KCNIP4: variants seen among roughly 807,000 people sequenced by gnomAD.
KCNIP4 encodes Kv channel-interacting protein 4.
In KCNIP4, 12 loss-of-function variants were observed where a neutral mutation model predicts 34.0. The ratio of observed to expected loss-of-function variants is 0.35; its 90% confidence interval spans 0.23 to 0.57. The LOEUF is 0.57. Ranked by LOEUF, KCNIP4 falls within the 20% of genes least tolerant of loss-of-function variation. The probability of loss-of-function intolerance (pLI) is 0.83; values close to 1 mark genes in which losing one functional copy is unlikely to be tolerated. For synonymous variants in KCNIP4, 124 were observed against 102.2 expected, an observed-to-expected ratio of 1.21 and a Z score of -1.29; for missense variants, 238 against 311.7, an observed-to-expected ratio of 0.76 and a Z score of 1.78.
At chr4:20,900,712 T>C (rs1420604927) in intron 1 of KCNIP4, among the ~76,000 whole-genome samples, 1 of 152,074 alleles carries the variant, frequency 6.6e-6, no homozygotes, top group Non-Finnish European at 1.5e-5. Context: ...TACTAGTTAC[T>C]GAGAGTTGGG....
intron 1 of KCNIP4, among the ~76,000 whole-genome samples, chr4:20,969,283 A>G (rs1192399693): frequency 6.6e-6 from 1 of 152,196 alleles, no homozygotes; most frequent in Non-Finnish European, 1.5e-5. Flanking sequence ...TTCAAGCTCC[A>G]GTGAGAATTT....
intron 1 of KCNIP4, among the ~76,000 whole-genome samples, chr4:20,976,937 G>C (rs1369393497): frequency 2.0e-5 from 3 of 151,958 alleles, no homozygotes. Flanking sequence ...GGGTTCAAGC[G>C]ATTCTCCCAC....
intron 1 of KCNIP4, among the ~76,000 whole-genome samples, chr4:21,138,128 T>C (rs1751655696): frequency 6.6e-6 from 1 of 152,172 alleles, no homozygotes; most frequent in South Asian, 2.1e-4. Context: ...CGACTCGGCC[T>C]CCCAAAGTGC....
At chr4:20,734,082 T>C (rs1277241359) in intron 6 of KCNIP4, among the ~76,000 whole-genome samples, 1 of 152,208 alleles carries the variant, frequency 6.6e-6, no homozygotes, top group African/African-American at 2.4e-5. Context: ...CTGTCCTGCG[T>C]GGTTAACTTA....
At chr4:21,352,293 C>G (rs571583351) in intron 1 of KCNIP4, among the ~76,000 whole-genome samples, 1 of 152,140 alleles carries the variant, frequency 6.6e-6, no homozygotes, top group African/African-American at 2.4e-5. Flanking sequence ...GGGTGTAGCC[C>G]ACGGAGGGCA....
intron 1 of KCNIP4, among the ~76,000 whole-genome samples, chr4:21,328,196 A>C (rs569951415): frequency 1.3e-5 from 2 of 152,234 alleles, no homozygotes; most frequent in South Asian, 2.1e-4. Context: ...CCTGTCCTTC[A>C]GGGAAAGGAT....
intron 1 of KCNIP4, among the ~76,000 whole-genome samples, chr4:21,868,115 A>C (rs1725541421): frequency 6.6e-6 from 1 of 152,232 alleles, no homozygotes. Flanking sequence ...TCAGTCTCTG[A>C]AATCCTATGG....
At chr4:20,811,512 T>TGC (rs1560483128) in intron 3 of KCNIP4, among the ~76,000 whole-genome samples, 4 of 49,566 alleles carry the variant, frequency 8.1e-5, no homozygotes, top group African/African-American at 2.6e-4. Flanking sequence ...TGTGTGTGTG[T>TGC]GTGCGCGCGC....
chr4:20,919,702 C>CAAAAAAAAA (rs573617142), intron 1 of KCNIP4, among the ~76,000 whole-genome samples: 1 of 57,242 alleles, frequency 1.7e-5, no homozygotes. Context: ...GACTCCGTCT[C>CAAAAAAAAA]AAAAAAAAAA....
In KCNIP4 at chr4:21,825,044, G is replaced by A. The variant is rs1578036709; in HGVS notation, c.61+123527C>T. ...ACTTTCACAAAAAAAGCAAATAGAA[G>A]ACGATGTTTCTGATGTTAATTTTGG... On this transcript the variant is annotated intron_variant, in intron 1 of 8. Transcript: ENST00000382152. Among the ~76,000 whole-genome samples, 3 of 152,206 alleles carry A rather than the reference G, an allele frequency of 2.0e-5. No homozygotes were observed. In the South Asian group the frequency reaches 6.2e-4, roughly 32 times the overall value.
intron 1 of KCNIP4, among the ~76,000 whole-genome samples, chr4:21,533,564 C>A (rs895889256): frequency 2.0e-5 from 3 of 152,026 alleles, no homozygotes; most frequent in Non-Finnish European, 4.4e-5. Flanking sequence ...ATCAAGGATA[C>A]CTTTCTGGAG....
In KCNIP4 at chr4:20,924,223, C is replaced by G. The variant is rs1213355141; in HGVS notation, c.62-41514G>C. On this transcript the variant is annotated intron_variant, in intron 1 of 8. Transcript: ENST00000382152. ...ATCTGATTGAGAGCATGAAACAGTC[C>G]ATATTAGGTTTTATTATTTCTAGGC... Among the ~76,000 whole-genome samples the G allele has an allele frequency of 1.3e-5, 2 of 152,138 alleles. 1 individual carries two copies. Among genetic ancestry groups the G allele is most frequent in the Admixed American group, 1.3e-4 (2 of 15,272 alleles).
chr4:20,996,380 C>T (rs1048412756), intron 1 of KCNIP4, among the ~76,000 whole-genome samples: 2 of 152,204 alleles, frequency 1.3e-5, no homozygotes, highest in African/African-American at 2.4e-5. Flanking sequence ...TCAAACTTCT[C>T]GCTGTGTTTT....
rs751788778 is a variant in KCNIP4 at position 21,192,921 on chromosome 4, ACTACTACTACTACTACTACT to A, written c.62-310232_62-310213del. 5.9e-4 allele frequency among the ~76,000 whole-genome samples: 84 copies of A among 143,130 alleles called. 1 individual carries two copies. The South Asian group carries it at 0.011, about 19-fold the overall frequency. The allele number at this position is 143,130 out of a possible 152,430, so 93.9% of individuals were successfully genotyped here. A position where few individuals can be genotyped will look rare whatever the true frequency, so the allele number is the denominator to read the frequency against. On this transcript the variant is annotated intron_variant, in intron 1 of 8. Coordinates refer to ENST00000382152, the MANE Select transcript of KCNIP4 (RefSeq NM_025221.6). ...CCAGCCCTGCCGCCCCGTCTCTACT[ACTACTACTACTACTACTACT>A]ACTACTACTACTAATAATAATAATA...
At chr4:21,253,864 T>C (rs995317622) in intron 1 of KCNIP4, among the ~76,000 whole-genome samples, 7 of 152,232 alleles carry the variant, frequency 4.6e-5, no homozygotes, top group East Asian at 1.9e-4. Flanking sequence ...GTTATTCAGA[T>C]GTAAACAAAT....
At chr4:21,854,602 T>C (rs1250414905) in intron 1 of KCNIP4, among the ~76,000 whole-genome samples, 1 of 152,180 alleles carries the variant, frequency 6.6e-6, no homozygotes, top group African/African-American at 2.4e-5. Flanking sequence ...ACTTTGATAA[T>C]TGTCTGGGCT....
chr4:21,304,873 C>T (rs963899881), intron 1 of KCNIP4, among the ~76,000 whole-genome samples: 4 of 151,914 alleles, frequency 2.6e-5, no homozygotes, highest in African/African-American at 9.7e-5. Flanking sequence ...TACTTCATAC[C>T]ATTCAATACA....
chr4:21,063,747 A>G (rs1374017311), intron 1 of KCNIP4, among the ~76,000 whole-genome samples: 1 of 152,214 alleles, frequency 6.6e-6, no homozygotes, highest in African/African-American at 2.4e-5. Context: ...ACTTTTATCA[A>G]AAAATGATGT....
intron 1 of KCNIP4, among the ~76,000 whole-genome samples, chr4:21,222,048 G>A (rs1282485712): frequency 6.6e-6 from 1 of 152,114 alleles, no homozygotes; most frequent in Admixed American, 6.6e-5. Flanking sequence ...TTTTTCTAGA[G>A]TCAGTTCTAA....
Sources: allele counts gnomAD v4.1 joint callset (sites outside exome capture counted in the v4.1 genomes callset), GRCh38; gene constraint gnomAD v4.1.1; transcripts MANE v1.5; gene names NCBI Gene and HGNC (gene_info 2026-07-23, HGNC 2026-07-21).